The following ADGRL2 variants were observed in gnomAD, a reference collection of about 807,000 sequenced individuals.
The protein encoded by ADGRL2 is calcium-independent alpha-latrotoxin receptor 2.
Under a neutral mutation model 157.4 loss-of-function variants are expected in ADGRL2, and 44 were observed. That is an observed-to-expected ratio of 0.28 (90% CI 0.22 to 0.36). ADGRL2 has a LOEUF of 0.36. Ranked by LOEUF, ADGRL2 falls within the 10% of genes least tolerant of loss-of-function variation. ADGRL2 has a pLI of 1.00. For synonymous variants in ADGRL2, 585 were observed against 624.7 expected (o/e 0.94, Z 0.95); for missense variants, 1,510 against 1,768.9 (o/e 0.85, Z 2.63).
chr1:81,680,671 G>A (rs1190007337), intron 3 of ADGRL2, among the ~76,000 whole-genome samples: 1 of 151,804 alleles, frequency 6.6e-6, no homozygotes, highest in Non-Finnish European at 1.5e-5. Flanking sequence ...TGACTTTGCC[G>A]CTCGAGATCC....
At chr1:81,812,024 A>G (rs2089923457) in intron 1 of ADGRL2, among the ~76,000 whole-genome samples, 1 of 151,770 alleles carries the variant, frequency 6.6e-6, no homozygotes, top group South Asian at 2.1e-4. Context: ...CATCTTAACC[A>G]GGATGGAGGG....
chr1:81,320,087 C>A (rs779091361), intron 1 of ADGRL2, among the ~76,000 whole-genome samples: 1 of 152,168 alleles, frequency 6.6e-6, no homozygotes, highest in Non-Finnish European at 1.5e-5. Context: ...GTTGTCATTT[C>A]AACAATGTCC....
In ADGRL2 at chr1:81,829,678, G is replaced by A. The variant is rs115477290; in HGVS notation, c.-100-7207G>A. ...TAAGATATGAATTAGAATAATTGCC[G>A]AGACATATTTTGATAGAAGAGACAA... On this transcript the variant is annotated intron_variant, in intron 1 of 23. Transcript: ENST00000686636. Among the ~76,000 whole-genome samples, 655 of 152,202 alleles carry A rather than the reference G, an allele frequency of 4.3e-3. 4 individuals are homozygous for A. Among genetic ancestry groups the A allele is most frequent in the African/African-American group, 0.015 (623 of 41,514 alleles).
chr1:81,906,928 C>T, intron 2 of ADGRL2, 89 bp from the exon 3 acceptor site: 12 of 1,043,648 alleles, frequency 1.1e-5, no homozygotes, highest in Non-Finnish European at 1.7e-5. Flanking sequence ...TGACGATAGA[C>T]ATGAATCATA....
chr1:81,812,681 C>G (rs1250706520), intron 1 of ADGRL2, among the ~76,000 whole-genome samples: 1 of 151,714 alleles, frequency 6.6e-6, no homozygotes, highest in Non-Finnish European at 1.5e-5. Flanking sequence ...CTAAACATAT[C>G]AAAGTGTATT....
chr1:81,543,935 G>T (rs2079951805), intron 2 of ADGRL2, among the ~76,000 whole-genome samples: 1 of 152,008 alleles, frequency 6.6e-6, no homozygotes, highest in African/African-American at 2.4e-5. Flanking sequence ...ATTTACACCG[G>T]GTGTTCTGTC....
rs144292454 is a variant in ADGRL2, at chr1:81,835,429, T to A, written c.-100-1456T>A. On this transcript the variant is annotated intron_variant, in intron 1 of 23. Coordinates refer to ENST00000686636, the MANE Select transcript of ADGRL2 (RefSeq NM_001366006.2). ...TAAAATGCTTTATGTAGAATAACTT[T>A]CAGGTTTAAGGCAGGCACATTGCTA... Among the ~76,000 whole-genome samples, 464 of 152,276 alleles carry A rather than the reference T, an allele frequency of 3.0e-3. 2 individuals are homozygous for A. The highest frequency in any genetic ancestry group is 5.4e-3 in the Non-Finnish European group (367 of 68,014).
At chr1:81,565,555 G>T (rs929013017) in intron 2 of ADGRL2, among the ~76,000 whole-genome samples, 1 of 152,272 alleles carries the variant, frequency 6.6e-6, no homozygotes, top group South Asian at 2.1e-4. Flanking sequence ...AGGTTTTGAG[G>T]CAATGCGCAA....
chr1:81,913,982 C>T (rs2094795220), intron 3 of ADGRL2, among the ~76,000 whole-genome samples: 1 of 151,708 alleles, frequency 6.6e-6, no homozygotes, highest in Admixed American at 6.6e-5. Context: ...AAGGGAGATA[C>T]TTAATGCACA....
At chr1:81,455,882 C>T (rs6698011) in intron 2 of ADGRL2, among the ~76,000 whole-genome samples, 8,271 of 152,170 alleles carry the variant, frequency 0.054, 221 homozygotes, top group Middle Eastern at 0.075. Flanking sequence ...ATATTATAAA[C>T]GATGTGGTGA....
chr1:81,735,699 A>G (rs1313664236), intron 1 of ADGRL2, among the ~76,000 whole-genome samples: 1 of 151,958 alleles, frequency 6.6e-6, no homozygotes, highest in African/African-American at 2.4e-5. Flanking sequence ...CTGAGGCAGG[A>G]GAATTGCTTG....
intron 2 of ADGRL2, among the ~76,000 whole-genome samples, chr1:81,556,027 A>G (rs2080267816): frequency 2.0e-5 from 3 of 152,148 alleles, no homozygotes; most frequent in Middle Eastern, 3.4e-3. Flanking sequence ...CACACAAAAT[A>G]TAAACTTACC....
intron 3 of ADGRL2, among the ~76,000 whole-genome samples, chr1:81,662,961 C>T (rs531010405): frequency 2.0e-5 from 3 of 152,086 alleles, no homozygotes; most frequent in South Asian, 4.1e-4. Context: ...CAGAAAGCCA[C>T]GCACCAGAGA....
At chr1:81,755,524 T>C (rs986685117) in intron 1 of ADGRL2, among the ~76,000 whole-genome samples, 1 of 151,722 alleles carries the variant, frequency 6.6e-6, no homozygotes, top group African/African-American at 2.4e-5. Context: ...GGATTCCCCA[T>C]GTGTTTTACC....
At chr1:81,695,822 C>CAAA (rs36057272), upstream of ADGRL2, among the ~76,000 whole-genome samples, 10 of 123,408 alleles carry the variant, frequency 8.1e-5, no homozygotes, top group African/African-American at 9.4e-5. Context: ...GACTCTGTTT[C>CAAA]AAAAAAAAAA....
At chr1:81,699,592 C>A (rs1283358107), upstream of ADGRL2, among the ~76,000 whole-genome samples, 1 of 152,198 alleles carries the variant, frequency 6.6e-6, no homozygotes, top group Non-Finnish European at 1.5e-5. Context: ...ATGTACCTGG[C>A]AACAAAATTC....
At chr1:81,511,426 A>ACG (rs1491576683) in intron 2 of ADGRL2, among the ~76,000 whole-genome samples, 563 of 150,726 alleles carry the variant, frequency 3.7e-3, no homozygotes, top group African/African-American at 0.013. Context: ...ACACACACAC[A>ACG]TAGACACATA....
At chr1:81,568,531 A>T (rs1411211574) in intron 2 of ADGRL2, among the ~76,000 whole-genome samples, 3 of 152,166 alleles carry the variant, frequency 2.0e-5, no homozygotes, top group Non-Finnish European at 4.4e-5. Flanking sequence ...GGCAGGACAA[A>T]TGTACCCTTT....
At chr1:81,548,162 AAG>A (rs2080063508) in intron 2 of ADGRL2, among the ~76,000 whole-genome samples, 1 of 152,132 alleles carries the variant, frequency 6.6e-6, no homozygotes, top group Admixed American at 6.5e-5. Flanking sequence ...TAACTGAAGA[AAG>A]AGTTTCACAT....
Sources: allele counts gnomAD v4.1 joint callset (sites outside exome capture counted in the v4.1 genomes callset), GRCh38; gene constraint gnomAD v4.1.1; transcripts MANE v1.5; gene names NCBI Gene and HGNC (gene_info 2026-07-23, HGNC 2026-07-21).